FHIT: variants seen among roughly 807,000 people sequenced by gnomAD.
FHIT encodes fragile histidine triad diadenosine triphosphatase.
FHIT carries 19 observed loss-of-function variants against 17.9 expected under a neutral mutation model. The ratio of observed to expected loss-of-function variants is 1.06; its 90% confidence interval spans 0.74 to 1.56. The LOEUF is 1.56. Ranked by LOEUF, FHIT falls within the 40% of genes most tolerant of loss-of-function variation. The probability of loss-of-function intolerance (pLI) is 0.00; values close to 1 mark genes in which losing one functional copy is unlikely to be tolerated. For missense variants in FHIT, 248 were observed against 189.2 expected (o/e 1.31, Z -1.82); for synonymous variants, 81 against 69.7 (o/e 1.16, Z -0.81).
At chr3:60,295,971 C>T (rs1708188482) in intron 5 of FHIT, among the ~76,000 whole-genome samples, 1 of 152,042 alleles carries the variant, frequency 6.6e-6, no homozygotes, top group Non-Finnish European at 1.5e-5. Context: ...TAGTTTCCCT[C>T]ATACTGTTCT....
At chr3:60,263,828 A>G (rs144453474) in intron 5 of FHIT, among the ~76,000 whole-genome samples, 105 of 152,112 alleles carry the variant, frequency 6.9e-4, no homozygotes, top group African/African-American at 2.4e-3. Context: ...GCTTAAATGC[A>G]TCTTTCAACA....
chr3:60,844,597 C>A (rs74460758), intron 3 of FHIT, among the ~76,000 whole-genome samples: 374 of 152,130 alleles, frequency 2.5e-3, no homozygotes, highest in African/African-American at 8.6e-3. Flanking sequence ...TAAATCAATT[C>A]TTTCTTAATG....
At chr3:61,122,557 A>G (rs1157019402) in intron 2 of FHIT, among the ~76,000 whole-genome samples, 2 of 152,258 alleles carry the variant, frequency 1.3e-5, no homozygotes, top group Non-Finnish European at 2.9e-5. Context: ...CTACGATCAG[A>G]GTGAACAGGC....
chr3:59,914,988 G>A (rs753061225), intron 8 of FHIT, among the ~76,000 whole-genome samples: 29 of 152,270 alleles, frequency 1.9e-4, no homozygotes, highest in Middle Eastern at 3.4e-3. Flanking sequence ...AACCTTGAAT[G>A]TAAACCTAAG....
chr3:60,828,528 A>G (rs1553741622), intron 3 of FHIT, among the ~76,000 whole-genome samples: 1 of 152,180 alleles, frequency 6.6e-6, no homozygotes, highest in Non-Finnish European at 1.5e-5. Context: ...GGAGATGGGC[A>G]TGAGTCAAAG....
intron 5 of FHIT, among the ~76,000 whole-genome samples, chr3:60,506,194 G>T (rs10510845): frequency 0.44 from 67,312 of 151,914 alleles, 15,177 homozygotes; most frequent in African/African-American, 0.5. Context: ...ACTAATGAAG[G>T]AGTCCACAAA....
chr3:59,952,502 C>T lies in FHIT; in HGVS notation c.280-30088G>A, dbSNP rs539715712. On this transcript the variant is annotated intron_variant, in intron 7 of 9. Coordinates refer to ENST00000492590, the MANE Select transcript of FHIT (RefSeq NM_002012.4). ...ACTTCCAGACTCTCACCTCCCCTGA[C>T]CAAAGCTAGAGGCATGGCCTTTCAA... is the stretch of plus-strand genomic sequence containing the variant. 2.0e-5 allele frequency among the ~76,000 whole-genome samples: 3 copies of T among 152,294 alleles called. No individual in the cohort carries two copies. The East Asian group carries it at 5.8e-4, about 29-fold the overall frequency.
At chr3:60,503,383 A>G (rs6771504) in intron 5 of FHIT, among the ~76,000 whole-genome samples, 66,899 of 151,644 alleles carry the variant, frequency 0.44, 14,923 homozygotes, top group African/African-American at 0.49. Flanking sequence ...TTATTATCAT[A>G]ACATTTACAT....
chr3:59,953,801 C>T (rs997582009), intron 7 of FHIT, among the ~76,000 whole-genome samples: 1 of 152,172 alleles, frequency 6.6e-6, no homozygotes, highest in Non-Finnish European at 1.5e-5. Flanking sequence ...CCTCCTTTCA[C>T]AAAGGTTCTG....
intron 3 of FHIT, among the ~76,000 whole-genome samples, chr3:60,852,139 A>G (rs1703180232): frequency 6.6e-6 from 1 of 152,138 alleles, no homozygotes; most frequent in South Asian, 2.1e-4. Flanking sequence ...GACAAAAAAA[A>G]GCTGACCCTC....
intron 4 of FHIT, among the ~76,000 whole-genome samples, chr3:60,781,756 C>A (rs982955891): frequency 1.5e-4 from 23 of 152,116 alleles, no homozygotes; most frequent in Non-Finnish European, 3.1e-4. Context: ...TACCACTTGG[C>A]TGAAAAATGA....
At chr3:60,171,669 T>C (rs1701419807) in intron 5 of FHIT, among the ~76,000 whole-genome samples, 1 of 152,208 alleles carries the variant, frequency 6.6e-6, no homozygotes, top group Non-Finnish European at 1.5e-5. Flanking sequence ...CTTTCCTTCC[T>C]TCATTCCACA....
chr3:60,938,196 G>A (rs1482252555), intron 3 of FHIT, among the ~76,000 whole-genome samples: 1 of 152,194 alleles, frequency 6.6e-6, no homozygotes, highest in African/African-American at 2.4e-5. Flanking sequence ...AAAAGTCAAA[G>A]AATTGCAGAA....
At chr3:60,081,415 T>C (rs1559615325) in intron 5 of FHIT, among the ~76,000 whole-genome samples, 1 of 152,154 alleles carries the variant, frequency 6.6e-6, no homozygotes, top group South Asian at 2.1e-4. Context: ...CTTACTTCTC[T>C]GTATCACACT....
At chr3:61,073,853 C>T (rs1345152060) in intron 2 of FHIT, among the ~76,000 whole-genome samples, 1 of 152,148 alleles carries the variant, frequency 6.6e-6, no homozygotes, top group Non-Finnish European at 1.5e-5. Flanking sequence ...GCAGAAATTG[C>T]CACAGTTTAT....
chr3:61,088,346 A>C (rs568899268), intron 2 of FHIT, among the ~76,000 whole-genome samples: 10 of 152,202 alleles, frequency 6.6e-5, no homozygotes, highest in Admixed American at 5.9e-4. Flanking sequence ...TGACCAAGTT[A>C]TGCACCATTA....
intron 3 of FHIT, among the ~76,000 whole-genome samples, chr3:60,962,506 G>A (rs1220047307): frequency 4.6e-5 from 7 of 152,180 alleles, no homozygotes; most frequent in African/African-American, 1.7e-4. Flanking sequence ...TCTGTCTTGT[G>A]CCAGTTTTCA....
chr3:60,732,964 G>A (rs2042063985), intron 4 of FHIT, among the ~76,000 whole-genome samples: 2 of 152,082 alleles, frequency 1.3e-5, no homozygotes, highest in Non-Finnish European at 1.5e-5. Context: ...GGGATTACAG[G>A]CGTGAGCCAC....
At chr3:59,778,405 G>A (rs151151955) in intron 8 of FHIT, among the ~76,000 whole-genome samples, 35 of 152,256 alleles carry the variant, frequency 2.3e-4, no homozygotes, top group African/African-American at 7.9e-4. Context: ...AAACCAAAAT[G>A]GCCCCTGGCC....
Sources: allele counts gnomAD v4.1 joint callset (sites outside exome capture counted in the v4.1 genomes callset), GRCh38; gene constraint gnomAD v4.1.1; transcripts MANE v1.5; gene names NCBI Gene and HGNC (gene_info 2026-07-23, HGNC 2026-07-21).